The following EYA3 variants were observed in gnomAD, a reference collection of about 807,000 sequenced individuals.
EYA3 encodes protein phosphatase EYA3.
Under a neutral mutation model 80.0 loss-of-function variants are expected in EYA3, and 39 were observed. That is an observed-to-expected ratio of 0.49 (90% CI 0.38 to 0.64). The LOEUF is 0.64. Ranked by LOEUF, EYA3 falls within the 30% of genes least tolerant of loss-of-function variation. EYA3 has a pLI of 0.00. For synonymous variants in EYA3, 206 were observed against 232.8 expected (o/e 0.88, Z 1.05); for missense variants, 523 against 676.1 (o/e 0.77, Z 2.51).
chr1:28,004,163 G>GACCATGTAGCCTGCCTA (rs1641099809), intron 11 of EYA3, among the ~76,000 whole-genome samples, 173 bp downstream of exon 11: 1 of 152,194 alleles, frequency 6.6e-6, no homozygotes, highest in Admixed American at 6.6e-5. Flanking sequence ...AATTCTGCCT[G>GACCATGTAGCCTGCCTA]ACCATGTAGC....
chr1:27,990,276 T>A (rs544769674), intron 14 of EYA3: 1 of 181,106 alleles, frequency 5.5e-6, no homozygotes, highest in East Asian at 1.5e-4. Context: ...TCACCCACCA[T>A]CTTCCTGTCC....
At chr1:28,063,332 G>C (rs1019811016) in intron 1 of EYA3, among the ~76,000 whole-genome samples, 7 of 148,256 alleles carry the variant, frequency 4.7e-5, no homozygotes, top group Non-Finnish European at 8.9e-5. Flanking sequence ...ATTTTTTTTG[G>C]GGGGGGAAAT....
intron 1 of EYA3, among the ~76,000 whole-genome samples, chr1:28,064,884 G>A (rs1644773897): frequency 6.6e-6 from 1 of 152,078 alleles, no homozygotes; most frequent in South Asian, 2.1e-4. Flanking sequence ...AAGGAAACTG[G>A]GATTCAGAGA....
intron 13 of EYA3, among the ~76,000 whole-genome samples, chr1:27,995,421 GA>G (rs55902170): frequency 0.077 from 6,069 of 79,198 alleles, 241 homozygotes; most frequent in East Asian, 0.32. Context: ...ATCTTAAAAG[GA>G]AAAAAAAAAA....
chr1:28,044,982 A>C (rs902052582), intron 3 of EYA3, among the ~76,000 whole-genome samples: 2 of 152,114 alleles, frequency 1.3e-5, no homozygotes, highest in Non-Finnish European at 2.9e-5. Context: ...ATGTTGCCCA[A>C]GCTGGTCTCA....
chr1:28,000,192 TCA>T (rs1190634670), intron 11 of EYA3, 143 bp from the exon 12 acceptor site: 3 of 513,668 alleles, frequency 5.8e-6, no homozygotes, highest in South Asian at 3.6e-5. Context: ...GCAATTTCAT[TCA>T]CAGTTATGAG....
In EYA3 at chr1:28,048,941, T is replaced by C. The variant is rs12130967; in HGVS notation, c.34-515A>G. Among the ~76,000 whole-genome samples the C allele has an allele frequency of 9.2e-3, 1,397 of 152,276 alleles. 10 individuals carry two copies. The highest frequency in any genetic ancestry group is 0.017 in the African/African-American group (698 of 41,556). The stretch of plus-strand genomic sequence containing the variant: ...ATATTTCACATTTTCTATTTCCTTC[T>C]GGGGAGAAGGCACTTCCATTGAAAC... On this transcript the variant is annotated intron_variant, in intron 2 of 17. Coordinates refer to ENST00000373871, the MANE Select transcript of EYA3 (RefSeq NM_001990.4).
intron 2 of EYA3, among the ~76,000 whole-genome samples, chr1:28,050,905 A>G (rs1412526882): frequency 6.6e-6 from 1 of 152,244 alleles, no homozygotes; most frequent in Non-Finnish European, 1.5e-5. Flanking sequence ...TAAGAGAAAT[A>G]GCAAAGATTG....
chr1:27,990,372 G>A (rs936967601), intron 14 of EYA3: 2 of 153,664 alleles, frequency 1.3e-5, no homozygotes, highest in Non-Finnish European at 2.9e-5. Context: ...TGGGCATGGA[G>A]GTCTCACTGC....
intron 1 of EYA3, among the ~76,000 whole-genome samples, chr1:28,070,511 G>A (rs1218165960): frequency 5.9e-5 from 9 of 151,966 alleles, no homozygotes; most frequent in Non-Finnish European, 1.0e-4. Flanking sequence ...GCAGCAAGCC[G>A]AGATCATGCC....
At chr1:28,028,505 C>A (rs925963391) in intron 6 of EYA3, among the ~76,000 whole-genome samples, 5 of 151,512 alleles carry the variant, frequency 3.3e-5, no homozygotes, top group Non-Finnish European at 7.4e-5. Flanking sequence ...AAAATACAGT[C>A]ATATATAATC....
In EYA3 at chr1:28,000,057, A is replaced by G. The variant is rs569508923; in HGVS notation, c.994-8T>C. ...AATCACTACTGTTGGGTCCTAGAAG[A>G]CAATAAGAAAAAATCAGCTTGACTT... On this transcript the variant is annotated splice_polypyrimidine_tract_variant and splice_region_variant and intron_variant, in intron 11 of 17. Transcript: ENST00000373871. 21 of 1,581,228 alleles carry G rather than the reference A, an allele frequency of 1.3e-5. 1 individual carries two copies. The South Asian group carries it at 2.4e-4, about 18-fold the overall frequency.
chr1:28,039,452 T>A (rs1430362042), intron 4 of EYA3, among the ~76,000 whole-genome samples: 1 of 152,198 alleles, frequency 6.6e-6, no homozygotes, highest in Non-Finnish European at 1.5e-5. Flanking sequence ...TGTTTTGTAG[T>A]GAAGGCTTTA....
chr1:28,022,017 G>A (rs1192944978), intron 7 of EYA3, among the ~76,000 whole-genome samples: 1 of 152,062 alleles, frequency 6.6e-6, no homozygotes, highest in Non-Finnish European at 1.5e-5. Context: ...ACATATTTTG[G>A]TTAAAACTGA....
intron 2 of EYA3, among the ~76,000 whole-genome samples, chr1:28,053,153 CAAAAAAAAAAAAAA>C (rs34075939): frequency 1.4e-5 from 1 of 72,526 alleles, no homozygotes; most frequent in Admixed American, 1.9e-4. Context: ...GACCCCGTCT[CAAAAAAAAAAAAAA>C]AAAAAAAAAA....
intron 8 of EYA3, among the ~76,000 whole-genome samples, chr1:28,016,679 T>C (rs1642093242): frequency 6.6e-6 from 1 of 151,966 alleles, no homozygotes; most frequent in Admixed American, 6.6e-5. Context: ...TCTAGAACAC[T>C]GAAGGTGTTA....
chr1:28,080,255 G>T (rs1251837693), intron 1 of EYA3, among the ~76,000 whole-genome samples: 1 of 150,710 alleles, frequency 6.6e-6, no homozygotes, highest in African/African-American at 2.4e-5. Flanking sequence ...GACCAGCCTG[G>T]GCAATACAGT....
At chr1:28,041,502 G>A (rs1262300468) in intron 4 of EYA3, among the ~76,000 whole-genome samples, 8 of 151,890 alleles carry the variant, frequency 5.3e-5, no homozygotes, top group African/African-American at 1.7e-4. Flanking sequence ...GTAGTGAGTC[G>A]AGATTGTGCC....
intron 2 of EYA3, among the ~76,000 whole-genome samples, chr1:28,051,198 T>A (rs1003836626): frequency 1.1e-4 from 17 of 152,160 alleles, no homozygotes; most frequent in Non-Finnish European, 2.5e-4. Flanking sequence ...AGAATCTCTT[T>A]TTGCATGACA....
Sources: gnomAD v4.1 joint callset for allele counts (sites outside exome capture counted in the v4.1 genomes callset) on GRCh38, gnomAD v4.1.1 for gene constraint, MANE v1.5 for transcripts, NCBI Gene and HGNC (gene_info 2026-07-23, HGNC 2026-07-21) for gene names.